Variants in EYA1 observed in about 807,000 individuals in gnomAD.
EYA1 encodes EYA transcriptional coactivator and phosphatase 1, also known as protein phosphatase EYA1.
EYA1 carries 16 observed loss-of-function variants against 82.0 expected under a neutral mutation model. The observed-to-expected ratio is 0.20, with a 90% CI of 0.13 to 0.30. EYA1 has a LOEUF of 0.30. EYA1 is among the 10% of genes least tolerant of loss of function. The pLI, the probability that EYA1 is intolerant of heterozygous loss-of-function variation, is 1.00. For missense variants in EYA1, 633 were observed against 730.7 expected (o/e 0.87, Z 1.54); for synonymous variants, 261 against 264.4 (o/e 0.99, Z 0.12).
At chr8:71,453,555 G>A (rs1304210321) in intron 2 of EYA1, among the ~76,000 whole-genome samples, 3 of 152,226 alleles carry the variant, frequency 2.0e-5, no homozygotes, top group African/African-American at 7.2e-5. Context: ...AAGCCCATCA[G>A]ACTAACAGCT....
rs528405173 is a variant in EYA1 at position 71,307,470 on chromosome 8, G to A, written c.557-7750C>T. On this transcript the variant is annotated intron_variant, in intron 7 of 17. Transcript: ENST00000340726. ...CAAGCGTGTCCGTCCCACCACACTC[G>A]GCTGACTGGCTTCTTTCAAACTACA... Among the ~76,000 whole-genome samples the A allele has an allele frequency of 4.6e-5, 7 of 152,042 alleles. No individual in the cohort carries two copies. In the East Asian group the frequency reaches 5.8e-4, roughly 13 times the overall value.
chr8:71,473,551 CA>C (rs1809405538), intron 2 of EYA1, among the ~76,000 whole-genome samples: 1 of 152,134 alleles, frequency 6.6e-6, no homozygotes, highest in African/African-American at 2.4e-5. Context: ...CAGGAAACAA[CA>C]GATGCTGGAG....
intron 9 of EYA1, among the ~76,000 whole-genome samples, chr8:71,294,276 A>C (rs1042164322): frequency 2.0e-5 from 3 of 151,958 alleles, no homozygotes; most frequent in African/African-American, 7.2e-5. Flanking sequence ...TGGCTAACAC[A>C]GTGAAACCCC....
chr8:71,546,270 T>C (rs1022895650), intron 1 of EYA1, among the ~76,000 whole-genome samples: 1 of 152,206 alleles, frequency 6.6e-6, no homozygotes, highest in Non-Finnish European at 1.5e-5. Context: ...GCTTGCTCTT[T>C]CAATGCAGAA....
intron 17 of EYA1, among the ~76,000 whole-genome samples, chr8:71,203,292 C>T (rs1807299103): frequency 6.6e-6 from 1 of 152,148 alleles, no homozygotes; most frequent in Non-Finnish European, 1.5e-5. Context: ...ACCTGCATAG[C>T]ACCGTAGCTA....
chr8:71,517,272 C>T (rs1349772888), intron 2 of EYA1, among the ~76,000 whole-genome samples: 4 of 151,996 alleles, frequency 2.6e-5, no homozygotes, highest in African/African-American at 9.7e-5. Context: ...ATTTGAGTTG[C>T]TCCAAAAGCG....
rs547452010 is a variant in EYA1, at chr8:71,281,713, T to A, written c.827-9816A>T. The stretch of plus-strand genomic sequence containing the variant: ...CTGTGCACTCCCACAGGGCTTTGTG[T>A]TCAGCTGGGCCTGCAACTTGGTTCA... On this transcript the variant is annotated intron_variant, in intron 9 of 17. Transcript: ENST00000340726. Among the ~76,000 whole-genome samples the A allele has an allele frequency of 1.5e-3, 234 of 152,356 alleles. 1 individual carries two copies. Among genetic ancestry groups the A allele is most frequent in the African/African-American group, 5.1e-3 (211 of 41,590 alleles).
chr8:71,350,599 C>T (rs889890569), intron 3 of EYA1, among the ~76,000 whole-genome samples: 10 of 152,120 alleles, frequency 6.6e-5, no homozygotes, highest in African/African-American at 2.4e-4. Flanking sequence ...ATTCCAATTG[C>T]ATCTGGTTTT....
chr8:71,319,201 G>A (rs1179846189), intron 6 of EYA1, among the ~76,000 whole-genome samples: 1 of 151,614 alleles, frequency 6.6e-6, no homozygotes, highest in Non-Finnish European at 1.5e-5. Context: ...CGCAATCTCA[G>A]CTCACTGCAA....
intron 2 of EYA1, among the ~76,000 whole-genome samples, chr8:71,408,786 A>T (rs1465642566): frequency 7.1e-6 from 1 of 140,296 alleles, no homozygotes; most frequent in Admixed American, 7.2e-5. Context: ...GGACTTTAAC[A>T]CCCCATTGTC....
chr8:71,474,853 C>A (rs1378528687), intron 2 of EYA1, among the ~76,000 whole-genome samples: 2 of 152,086 alleles, frequency 1.3e-5, no homozygotes, highest in Admixed American at 1.3e-4. Context: ...GAGTAGAGGC[C>A]AGGAGCGGTG....
intron 2 of EYA1, among the ~76,000 whole-genome samples, chr8:71,444,912 A>G (rs1806746746): frequency 6.6e-6 from 1 of 152,328 alleles, no homozygotes; most frequent in Admixed American, 6.5e-5. Context: ...GTTTTAAATG[A>G]AATCCTAAAA....
At chr8:71,517,708 T>TATATAC (rs1813073348) in intron 2 of EYA1, among the ~76,000 whole-genome samples, 1 of 47,902 alleles carries the variant, frequency 2.1e-5, no homozygotes, top group African/African-American at 6.2e-5. Flanking sequence ...GAAAACATAC[T>TATATAC]ATATATATAT....
At chr8:71,282,275 A>G (rs1439044561) in intron 9 of EYA1, among the ~76,000 whole-genome samples, 3 of 152,156 alleles carry the variant, frequency 2.0e-5, no homozygotes, top group Non-Finnish European at 4.4e-5. Flanking sequence ...CACAAGCTAG[A>G]TAGATTTCTT....
At chr8:71,433,300 C>T (rs4477064) in intron 2 of EYA1, among the ~76,000 whole-genome samples, 110,167 of 152,146 alleles carry the variant, frequency 0.72, 41,152 homozygotes, top group African/African-American at 0.84. Context: ...CATAAACATT[C>T]CAGGACTTTC....
At chr8:71,214,701 T>C (rs2128847488) in intron 16 of EYA1, among the ~76,000 whole-genome samples, 1 of 152,330 alleles carries the variant, frequency 6.6e-6, no homozygotes, top group Non-Finnish European at 1.5e-5. Context: ...AGATTGACTT[T>C]AAATGCAAAA....
chr8:71,203,258 T>G (rs1807293381), intron 17 of EYA1, among the ~76,000 whole-genome samples: 1 of 152,190 alleles, frequency 6.6e-6, no homozygotes, highest in South Asian at 2.1e-4. Context: ...AGTCTGTGAC[T>G]TTATTATCAA....
At chr8:71,472,716 C>G (rs1245725512) in intron 2 of EYA1, among the ~76,000 whole-genome samples, 1 of 149,840 alleles carries the variant, frequency 6.7e-6, no homozygotes, top group Non-Finnish European at 1.5e-5. Context: ...GGCTGCCTGA[C>G]CAAGCCGCAC....
intron 3 of EYA1, among the ~76,000 whole-genome samples, chr8:71,339,145 C>T (rs1159446242): frequency 6.6e-6 from 1 of 152,090 alleles, no homozygotes; most frequent in Non-Finnish European, 1.5e-5. Flanking sequence ...TTGCTATTAC[C>T]CCTCATCAGA....
Sources: gnomAD v4.1 joint callset for allele counts (sites outside exome capture counted in the v4.1 genomes callset) on GRCh38, gnomAD v4.1.1 for gene constraint, MANE v1.5 for transcripts, NCBI Gene and HGNC (gene_info 2026-07-23, HGNC 2026-07-21) for gene names.